MROH9: variants seen among roughly 807,000 people sequenced by gnomAD.
The protein encoded by MROH9 is maestro heat like repeat family member 9, also known as maestro heat-like repeat-containing protein family member 9.
Under a neutral mutation model 98.2 loss-of-function variants are expected in MROH9, and 92 were observed. The observed-to-expected ratio is 0.94, with a 90% CI of 0.79 to 1.11. The LOEUF (loss-of-function observed/expected upper bound fraction) is 1.11. Ranked by LOEUF, MROH9 falls within the 50% of genes most tolerant of loss-of-function variation. The pLI is 0.00. For missense variants in MROH9, 1,057 were observed against 1,014.8 expected (o/e 1.04, Z -0.57); for synonymous variants, 397 against 368.9 (o/e 1.08, Z -0.87).
chr1:171,050,425 A>T (rs1653626923), intron 20 of MROH9, among the ~76,000 whole-genome samples: 2 of 151,948 alleles, frequency 1.3e-5, no homozygotes, highest in African/African-American at 2.4e-5. Context: ...TAAGTATTTT[A>T]TTTTTTTGTA....
intron 20 of MROH9, among the ~76,000 whole-genome samples, chr1:171,057,683 A>T (rs963278938): frequency 6.6e-6 from 1 of 152,194 alleles, no homozygotes; most frequent in African/African-American, 2.4e-5. Context: ...CTCCAAGGTC[A>T]AAATAAGGGA....
intron 9 of MROH9, among the ~76,000 whole-genome samples, chr1:170,985,795 A>C (rs1571477373): frequency 1.4e-5 from 2 of 145,874 alleles, no homozygotes; most frequent in Non-Finnish European, 1.5e-5. Context: ...CCCTTCCATC[A>C]CCCCTCTGCC....
intron 11 of MROH9, 100 bp downstream of exon 11, chr1:170,990,103 C>T (rs746471353): frequency 2.4e-6 from 3 of 1,260,368 alleles, no homozygotes; most frequent in Non-Finnish European, 3.2e-6. Context: ...ATAGTCAGGC[C>T]TGGTTTCTTT....
At chr1:170,945,493 T>C in intron 1 of MROH9, 27 bp from the exon 2 acceptor site, 1 of 1,552,240 alleles carries the variant, frequency 6.4e-7, no homozygotes, top group Non-Finnish European at 8.9e-7. Flanking sequence ...TTCTGGTTTA[T>C]GTACTAATAC....
intron 17 of MROH9, among the ~76,000 whole-genome samples, chr1:171,019,998 A>C (rs1212476707): frequency 6.6e-6 from 1 of 152,216 alleles, no homozygotes; most frequent in Non-Finnish European, 1.5e-5. Flanking sequence ...CTATACACAA[A>C]TAAACGGTAA....
chr1:171,026,431 C>T (rs901003339), intron 20 of MROH9, among the ~76,000 whole-genome samples: 26 of 151,964 alleles, frequency 1.7e-4, no homozygotes, highest in Non-Finnish European at 2.6e-4. Flanking sequence ...TGAGCCACCA[C>T]GCCTGGCTAT....
intron 20 of MROH9, among the ~76,000 whole-genome samples, chr1:171,031,125 T>C (rs1193605138): frequency 6.6e-6 from 1 of 152,216 alleles, no homozygotes; most frequent in Non-Finnish European, 1.5e-5. Flanking sequence ...TTTTTTGCTT[T>C]CTGTTTGCTT....
chr1:171,003,771 G>A (rs1425500590), intron 15 of MROH9, among the ~76,000 whole-genome samples: 1 of 152,134 alleles, frequency 6.6e-6, no homozygotes, highest in East Asian at 1.9e-4. Context: ...GTAGTGTGGA[G>A]AGGGACTGGT....
In MROH9 at chr1:171,025,312, T is replaced by G; in HGVS notation, c.2179-6T>G. ...GTGAGGTGCTTTTTTCCCTTTTTAT[T>G]CTCAGATTATTTCTCATAGGAACTA... On this transcript the variant is annotated splice_polypyrimidine_tract_variant and splice_region_variant and intron_variant, in intron 19 of 21. Coordinates refer to ENST00000367759, the MANE Select transcript of MROH9 (RefSeq NM_001163629.2). 1 of 1,520,358 alleles carries G rather than the reference T, an allele frequency of 6.6e-7. No individual in the cohort carries two copies. The highest frequency in any genetic ancestry group is 8.9e-7 in the Non-Finnish European group (1 of 1,119,162). The allele number at this position is 1,520,358 out of a possible 1,614,324, so 94.2% of individuals were successfully genotyped here.
intron 15 of MROH9, chr1:170,998,776 T>G: frequency 2.1e-6 from 2 of 972,090 alleles, no homozygotes; most frequent in Non-Finnish European, 2.4e-6. Context: ...AAACTTTTGT[T>G]TACAAAAAAT....
Position 171,044,972 on chromosome 1 carries a change from C to CTTTT in MROH9, c.2282-17116_2282-17113dup, listed in dbSNP as rs754332732. ...CAATTCCATTTATTTCTGCTCTGATCTTTTTTTTTTTTTTTTTTTTTTTTT... is the reference window on the plus strand; with the variant it reads ...CAATTCCATTTATTTCTGCTCTGATCTTTTTTTTTTTTTTTTTTTTTTTTTTTTT... On this transcript the variant is annotated intron_variant, in intron 20 of 21. Coordinates refer to ENST00000367759, the MANE Select transcript of MROH9 (RefSeq NM_001163629.2). Among the ~76,000 whole-genome samples, 265 of 45,710 alleles carry CTTTT rather than the reference C, an allele frequency of 5.8e-3. 37 individuals carry two copies. Among genetic ancestry groups the CTTTT allele is most frequent in the African/African-American group, 6.4e-3 (93 of 14,524 alleles). 30.0% of individuals were successfully genotyped at this position (45,710 alleles called of 152,430 possible).
chr1:170,987,626 C>T (rs1280072596), intron 10 of MROH9, among the ~76,000 whole-genome samples: 1 of 152,154 alleles, frequency 6.6e-6, no homozygotes, highest in Non-Finnish European at 1.5e-5. Context: ...ATGCCAGTTA[C>T]AAACATAAGC....
chr1:171,003,181 T>C (rs762961961), intron 15 of MROH9, among the ~76,000 whole-genome samples: 1 of 152,210 alleles, frequency 6.6e-6, no homozygotes, highest in Non-Finnish European at 1.5e-5. Flanking sequence ...CATTGGGCTT[T>C]GCCTTTCTCT....
intron 17 of MROH9, among the ~76,000 whole-genome samples, chr1:171,017,812 C>G (rs796696120): frequency 2.2e-4 from 33 of 152,286 alleles, no homozygotes; most frequent in African/African-American, 7.9e-4. Flanking sequence ...CAGGCTTGAC[C>G]TGGACCCATC....
At chr1:171,011,032 A>G (rs1431858915) in intron 15 of MROH9, among the ~76,000 whole-genome samples, 1 of 152,142 alleles carries the variant, frequency 6.6e-6, no homozygotes, top group Admixed American at 6.5e-5. Context: ...CTACATCCTG[A>G]ATGGTGTTGC....
Position 171,025,404 on chromosome 1 carries a change from A to G in MROH9, c.2265A>G (p.Ala755=). Residue 755 remains alanine, a synonymous_variant, in exon 20 of 22, where the codon GCA becomes GCG. Coordinates refer to ENST00000367759, the MANE Select transcript of MROH9 (RefSeq NM_001163629.2). The part of the protein sequence containing the change: ...LWSPRTYLKR[A]SVILIGYLAK... ...GCCCCAGAACATATCTTAAGAGGGCATCGGTTATTTTGATAGGTAAATATA... is the reference window on the plus strand; with the variant it reads ...GCCCCAGAACATATCTTAAGAGGGCGTCGGTTATTTTGATAGGTAAATATA... The G allele has an allele frequency of 6.5e-7, 1 of 1,546,044 alleles. No homozygotes were observed. The highest frequency in any genetic ancestry group is 2.0e-5 in the Admixed American group (1 of 50,974).
chr1:170,963,946 T>G (rs778259094), intron 6 of MROH9, among the ~76,000 whole-genome samples: 12 of 152,066 alleles, frequency 7.9e-5, no homozygotes, highest in Non-Finnish European at 1.6e-4. Context: ...GAACTTAAAA[T>G]AAAAGTTAAA....
chr1:171,037,398 A>C (rs1181530717), intron 20 of MROH9, among the ~76,000 whole-genome samples: 1 of 152,012 alleles, frequency 6.6e-6, no homozygotes, highest in East Asian at 1.9e-4. Context: ...TCTAAAAATA[A>C]ACTTTAAAAT....
intron 2 of MROH9, 65 bp from the exon 3 acceptor site, chr1:170,947,462 G>T (rs939318616): frequency 7.3e-7 from 1 of 1,370,206 alleles, no homozygotes; most frequent in Non-Finnish European, 1.0e-6. Flanking sequence ...TGGAAATAAG[G>T]CCCCACTAAG....
Sources: allele counts gnomAD v4.1 joint callset (sites outside exome capture counted in the v4.1 genomes callset), GRCh38; gene constraint gnomAD v4.1.1; transcripts MANE v1.5; gene names NCBI Gene and HGNC (gene_info 2026-07-23, HGNC 2026-07-21).